MAGI2: variants seen among roughly 807,000 people sequenced by gnomAD.
MAGI2 encodes membrane-associated guanylate kinase, WW and PDZ domain-containing protein 2.
MAGI2 carries 35 observed loss-of-function variants against 133.3 expected under a neutral mutation model. That is an observed-to-expected ratio of 0.26 (90% CI 0.20 to 0.35). MAGI2 has a LOEUF of 0.35. Ranked by LOEUF, MAGI2 falls within the 10% of genes least tolerant of loss-of-function variation. MAGI2 has a pLI of 1.00. For synonymous variants in MAGI2, 729 were observed against 710.6 expected (o/e 1.03, Z -0.41); for missense variants, 1,636 against 1,863.4 (o/e 0.88, Z 2.25).
At chr7:79,331,685 A>T (rs576970761) in intron 1 of MAGI2, among the ~76,000 whole-genome samples, 2 of 152,158 alleles carry the variant, frequency 1.3e-5, no homozygotes, top group Non-Finnish European at 2.9e-5. Flanking sequence ...TGCCATTTGG[A>T]AGGCAACTTA....
At chr7:78,233,528 T>A (rs1790197987) in intron 10 of MAGI2, among the ~76,000 whole-genome samples, 1 of 152,104 alleles carries the variant, frequency 6.6e-6, no homozygotes, top group Non-Finnish European at 1.5e-5. Context: ...AGAATCACTA[T>A]CTTTATGATT....
intron 2 of MAGI2, among the ~76,000 whole-genome samples, chr7:78,970,135 A>G (rs907974339): frequency 3.3e-5 from 5 of 152,090 alleles, no homozygotes; most frequent in Admixed American, 3.3e-4. Flanking sequence ...CTGGCATTAT[A>G]CAATTTTTAA....
At chr7:79,410,364 G>C (rs1318738214) in intron 1 of MAGI2, 1 of 152,120 alleles carries the variant, frequency 6.6e-6, no homozygotes, top group Non-Finnish European at 1.5e-5. Context: ...AAATTGAAAA[G>C]ATAAAAGGTA....
chr7:79,303,593 C>T (rs1837541395), intron 1 of MAGI2, among the ~76,000 whole-genome samples: 1 of 152,112 alleles, frequency 6.6e-6, no homozygotes. Context: ...AGCAGTGATG[C>T]TCAGAATTTA....
chr7:78,598,927 C>T (rs1404213167), intron 3 of MAGI2, among the ~76,000 whole-genome samples: 2 of 152,022 alleles, frequency 1.3e-5, no homozygotes, highest in African/African-American at 2.4e-5. Flanking sequence ...GAGTTGAATG[C>T]TTATGGGACA....
chr7:79,137,414 A>C (rs1764067000), intron 1 of MAGI2, among the ~76,000 whole-genome samples: 1 of 150,966 alleles, frequency 6.6e-6, no homozygotes, highest in Non-Finnish European at 1.5e-5. Flanking sequence ...TTGAGGGGAC[A>C]TAACAAGGTA....
chr7:78,465,313 G>C (rs1426268005), intron 6 of MAGI2, among the ~76,000 whole-genome samples: 1 of 152,074 alleles, frequency 6.6e-6, no homozygotes, highest in African/African-American at 2.4e-5. Context: ...ATAGACACTG[G>C]TATTACAGAA....
chr7:78,584,877 T>G (rs1803238192), intron 3 of MAGI2, among the ~76,000 whole-genome samples: 1 of 152,208 alleles, frequency 6.6e-6, no homozygotes, highest in South Asian at 2.1e-4. Flanking sequence ...CTCAATTTCC[T>G]TATCTATAAA....
chr7:79,395,502 T>A (rs1337023275), intron 1 of MAGI2, among the ~76,000 whole-genome samples: 1 of 152,176 alleles, frequency 6.6e-6, no homozygotes, highest in East Asian at 1.9e-4. Context: ...GTCTAGTGGT[T>A]TGACTTCTCC....
At chr7:78,612,692 C>G (rs1019196559) in intron 3 of MAGI2, among the ~76,000 whole-genome samples, 3 of 151,420 alleles carry the variant, frequency 2.0e-5, no homozygotes, top group African/African-American at 7.3e-5. Flanking sequence ...TTTTTTGAGG[C>G]GGGGTCTCGC....
intron 3 of MAGI2, chr7:78,621,377 GGATT>G (rs1322238041): frequency 1.3e-5 from 2 of 151,736 alleles, no homozygotes; most frequent in Non-Finnish European, 2.9e-5. Flanking sequence ...AATCAATAAT[GGATT>G]ATTAATAATC....
intron 1 of MAGI2, among the ~76,000 whole-genome samples, chr7:79,370,717 A>G (rs1339027990): frequency 6.6e-6 from 1 of 152,032 alleles, no homozygotes; most frequent in Non-Finnish European, 1.5e-5. Context: ...GAAAAGATAG[A>G]TGGATAAAAA....
chr7:79,042,102 A>T (rs1056562888), intron 1 of MAGI2, among the ~76,000 whole-genome samples: 1 of 152,188 alleles, frequency 6.6e-6, no homozygotes, highest in African/African-American at 2.4e-5. Context: ...ATATCTGACA[A>T]AGGACTTGCA....
intron 12 of MAGI2, among the ~76,000 whole-genome samples, chr7:78,190,849 T>C (rs1176403476): frequency 6.6e-6 from 1 of 152,210 alleles, no homozygotes; most frequent in Non-Finnish European, 1.5e-5. Context: ...CTTTATGAGA[T>C]TCTCGGGAAA....
intron 2 of MAGI2, among the ~76,000 whole-genome samples, chr7:78,705,760 T>C (rs1246512108): frequency 6.6e-6 from 1 of 152,160 alleles, no homozygotes; most frequent in African/African-American, 2.4e-5. Context: ...AAAAAATAGC[T>C]GACTGGATTA....
chr7:78,332,797 A>G (rs1017975389), intron 9 of MAGI2, among the ~76,000 whole-genome samples: 2 of 152,100 alleles, frequency 1.3e-5, no homozygotes, highest in African/African-American at 4.8e-5. Context: ...TGAGAGATAC[A>G]TTACTAGCAG....
At chr7:79,103,203 C>T (rs1386947138) in intron 1 of MAGI2, among the ~76,000 whole-genome samples, 1 of 152,200 alleles carries the variant, frequency 6.6e-6, no homozygotes, top group African/African-American at 2.4e-5. Flanking sequence ...TAATCCAAGA[C>T]AATTAAGCCA....
chr7:79,376,239 G>A lies in MAGI2; in HGVS notation c.301+76781C>T, dbSNP rs76573805. On this transcript the variant is annotated intron_variant, in intron 1 of 21. Transcript: ENST00000354212. Reference sequence around the variant, plus strand: ...CCTATACATACATACCTACGATAAAGTGTAGTCTGTAAATTAGGCAAAGTA... The same window carrying A: ...CCTATACATACATACCTACGATAAAATGTAGTCTGTAAATTAGGCAAAGTA... 2.3e-3 allele frequency among the ~76,000 whole-genome samples: 345 copies of A among 151,990 alleles called. 1 individual carries two copies. Among genetic ancestry groups the A allele is most frequent in the African/African-American group, 8.2e-3 (339 of 41,504 alleles).
At chr7:78,861,210 G>A (rs973964788) in intron 2 of MAGI2, among the ~76,000 whole-genome samples, 3 of 152,070 alleles carry the variant, frequency 2.0e-5, no homozygotes, top group East Asian at 1.9e-4. Flanking sequence ...GCGATGCCCC[G>A]CCCTGCTCTG....
Sources: allele counts gnomAD v4.1 joint callset (sites outside exome capture counted in the v4.1 genomes callset), GRCh38; gene constraint gnomAD v4.1.1; transcripts MANE v1.5; gene names NCBI Gene and HGNC (gene_info 2026-07-23, HGNC 2026-07-21).